Variants in RGS8 observed in about 807,000 individuals in gnomAD.
RGS8 encodes regulator of G-protein signaling 8.
RGS8 carries 8 observed loss-of-function variants against 21.7 expected under a neutral mutation model. The observed-to-expected ratio is 0.37, with a 90% CI of 0.22 to 0.66. The LOEUF (loss-of-function observed/expected upper bound fraction) is 0.66. Among genes scored for constraint, RGS8 ranks in the 30% least tolerant of loss-of-function variants. The pLI, the probability that RGS8 is intolerant of heterozygous loss-of-function variation, is 0.59. For synonymous variants in RGS8, 80 were observed against 83.6 expected (o/e 0.96, Z 0.24); for missense variants, 157 against 217.9 (o/e 0.72, Z 1.76).
chr1:182,710,965 C>T, the RGS8 span, among the ~76,000 whole-genome samples: 1 of 152,162 alleles, frequency 6.6e-6, no homozygotes, highest in Non-Finnish European at 1.5e-5. Context: ...CATCAAGAAA[C>T]CAAAGGCATC....
intron 5 of RGS8, among the ~76,000 whole-genome samples, chr1:182,651,910 A>G (rs1663036966): frequency 1.3e-5 from 2 of 152,202 alleles, no homozygotes; most frequent in African/African-American, 4.8e-5. Context: ...CTGGTTTAGC[A>G]AGGGGGGGAC....
the RGS8 span, among the ~76,000 whole-genome samples, chr1:182,716,130 T>TG: frequency 6.6e-6 from 1 of 151,172 alleles, no homozygotes; most frequent in African/African-American, 2.4e-5. Flanking sequence ...TTTTTGGTTT[T>TG]TTTTTTTTTC....
chr1:182,686,422 T>A (rs1011346690), upstream of RGS8, among the ~76,000 whole-genome samples: 2 of 151,768 alleles, frequency 1.3e-5, no homozygotes, highest in Non-Finnish European at 2.9e-5. Flanking sequence ...TGAGAGAAGA[T>A]GAGAGCCAAA....
At chr1:182,748,786 T>C in the RGS8 span, among the ~76,000 whole-genome samples, 1 of 152,240 alleles carries the variant, frequency 6.6e-6, no homozygotes, top group African/African-American at 2.4e-5. Flanking sequence ...GTCTTTTTTA[T>C]ACTGTTCATT....
At chr1:182,697,376 G>A in the RGS8 span, among the ~76,000 whole-genome samples, 65 of 152,248 alleles carry the variant, frequency 4.3e-4, no homozygotes, top group Non-Finnish European at 6.6e-4. Context: ...CTCAATTTTC[G>A]CCCCTTAGGG....
At chr1:182,668,758 C>T (rs997380152) in intron 3 of RGS8, among the ~76,000 whole-genome samples, 2 of 152,220 alleles carry the variant, frequency 1.3e-5, no homozygotes, top group Non-Finnish European at 1.5e-5. Context: ...CTCTCTCCTG[C>T]GACAGCGGGC....
chr1:182,646,847 T>C, exon 7 of RGS8: 1 of 1,614,074 alleles, frequency 6.2e-7, no homozygotes, highest in Non-Finnish European at 8.5e-7. Context: ...TTGGGCTTGG[T>C]CAAAGCAAGT....
the RGS8 span, among the ~76,000 whole-genome samples, chr1:182,691,598 C>T: frequency 5.9e-5 from 8 of 136,146 alleles, no homozygotes; most frequent in South Asian, 4.8e-4. Context: ...ATTCAACATC[C>T]CTTCATGTTA....
the RGS8 span, among the ~76,000 whole-genome samples, chr1:182,715,777 G>C: frequency 1.3e-5 from 2 of 152,152 alleles, no homozygotes; most frequent in African/African-American, 4.8e-5. Context: ...CAGAATTGTG[G>C]CTTTTCTCGG....
chr1:182,701,346 A>T, the RGS8 span, among the ~76,000 whole-genome samples: 1 of 152,218 alleles, frequency 6.6e-6, no homozygotes, highest in African/African-American at 2.4e-5. Context: ...CAATATTGTT[A>T]TCCAACCCCT....
chr1:182,678,850 A>G (rs1461590863), intron 1 of RGS8, among the ~76,000 whole-genome samples: 1 of 152,184 alleles, frequency 6.6e-6, no homozygotes, highest in Admixed American at 6.5e-5. Flanking sequence ...AGCTTATGCA[A>G]CATACACAAC....
the RGS8 span, among the ~76,000 whole-genome samples, chr1:182,698,044 C>A: frequency 2.0e-5 from 3 of 152,206 alleles, no homozygotes; most frequent in Non-Finnish European, 4.4e-5. Context: ...CAGGCGATTG[C>A]TGTCCTCCCT....
the RGS8 span, among the ~76,000 whole-genome samples, chr1:182,750,444 A>G: frequency 6.6e-6 from 1 of 152,270 alleles, no homozygotes; most frequent in African/African-American, 2.4e-5. Context: ...AAGATACTTA[A>G]ACCCATTGGC....
chr1:182,684,876 G>A (rs1014890064), upstream of RGS8, among the ~76,000 whole-genome samples: 2 of 152,132 alleles, frequency 1.3e-5, no homozygotes, highest in African/African-American at 4.8e-5. This position sits in a 1 kb window ranked among gnomAD's most constrained non-coding sequence, Gnocchi z 4.2. Flanking sequence ...CTGGCTTGTG[G>A]GAGAAAGGAT....
At chr1:182,645,606 G>C (rs1179449365), downstream of RGS8, 1 of 152,172 alleles carries the variant, frequency 6.6e-6, no homozygotes, top group Non-Finnish European at 1.5e-5. Flanking sequence ...ATTCCAAAAG[G>C]TCAAAGATCA....
At chr1:182,670,048 T>C (rs1664079950) in intron 2 of RGS8, among the ~76,000 whole-genome samples, 1 of 152,166 alleles carries the variant, frequency 6.6e-6, no homozygotes, top group Non-Finnish European at 1.5e-5. Context: ...AACCAAAAAT[T>C]ACTGCTCTCT....
chr1:182,701,173 G>A, the RGS8 span, among the ~76,000 whole-genome samples: 1,257 of 152,338 alleles, frequency 8.3e-3, 14 homozygotes, highest in African/African-American at 0.026. Context: ...AGGGTTTTGA[G>A]TTGATGGACA....
chr1:182,653,453 T>C (rs904761054), intron 5 of RGS8, among the ~76,000 whole-genome samples: 21 of 151,922 alleles, frequency 1.4e-4, no homozygotes, highest in African/African-American at 5.1e-4. Flanking sequence ...CCCAGCACTT[T>C]GGGAGGCCGA....
At chr1:182,738,150 T>C in the RGS8 span, among the ~76,000 whole-genome samples, 1 of 152,276 alleles carries the variant, frequency 6.6e-6, no homozygotes, top group Non-Finnish European at 1.5e-5. Context: ...ATTCATTATG[T>C]TGTATTCACA....
Sources: gnomAD v4.1 joint callset for allele counts (sites outside exome capture counted in the v4.1 genomes callset) on GRCh38, gnomAD v4.1.1 for gene constraint, Gnocchi (gnomAD v3.1) non-coding constraint, MANE v1.5 for transcripts, NCBI Gene and HGNC (gene_info 2026-07-23, HGNC 2026-07-21) for gene names.